Variants in NR2F1-AS1 observed in about 807,000 individuals in gnomAD.
NR2F1-AS1 encodes NR2F1 regulatory antisense RNA 1, also known as NR2F1 antisense RNA 1.
At chr5:93,456,641 A>C (rs1749952479) in intron 4 of NR2F1-AS1, among the ~76,000 whole-genome samples, 1 of 151,794 alleles carries the variant, frequency 6.6e-6, no homozygotes, top group African/African-American at 2.4e-5. Flanking sequence ...CAACTCAAAT[A>C]ATTTTTTACA....
At chr5:93,537,011 T>C (rs1751853293) in intron 4 of NR2F1-AS1, among the ~76,000 whole-genome samples, 1 of 152,218 alleles carries the variant, frequency 6.6e-6, no homozygotes, top group African/African-American at 2.4e-5. Context: ...CCTCCTTGCC[T>C]TTCGCTATGA....
At chr5:93,552,637 G>C (rs200088234) in intron 4 of NR2F1-AS1, among the ~76,000 whole-genome samples, 1 of 146,502 alleles carries the variant, frequency 6.8e-6, no homozygotes, top group East Asian at 2.0e-4. Context: ...TGTTTATACT[G>C]TAAAGAAGAA....
At chr5:93,410,226 G>C (rs1203393609) in intron 4 of NR2F1-AS1, 1 of 152,186 alleles carries the variant, frequency 6.6e-6, no homozygotes, top group Non-Finnish European at 1.5e-5. Context: ...AATTTTCATA[G>C]AGCCGTTGCC....
chr5:93,487,535 A>G (rs940517657), intron 4 of NR2F1-AS1, among the ~76,000 whole-genome samples: 4 of 152,202 alleles, frequency 2.6e-5, no homozygotes, highest in African/African-American at 9.6e-5. Context: ...ACAACTGACA[A>G]GGGATGTAAA....
At chr5:93,495,746 TATG>T (rs752779445) in intron 4 of NR2F1-AS1, among the ~76,000 whole-genome samples, 4 of 152,072 alleles carry the variant, frequency 2.6e-5, no homozygotes, top group African/African-American at 4.8e-5. Context: ...TATACACAAA[TATG>T]ATGATTTGTA....
intron 4 of NR2F1-AS1, among the ~76,000 whole-genome samples, chr5:93,525,478 A>C (rs765621977): frequency 3.9e-5 from 6 of 152,214 alleles, no homozygotes; most frequent in Non-Finnish European, 8.8e-5. Flanking sequence ...CAAGATATTC[A>C]GGACTTGAAC....
intron 4 of NR2F1-AS1, among the ~76,000 whole-genome samples, chr5:93,414,521 C>T (rs995718571): frequency 2.0e-5 from 3 of 152,216 alleles, no homozygotes; most frequent in East Asian, 3.9e-4. Context: ...GGTGAGAGTG[C>T]GTGGCCAGCA....
At chr5:93,494,717 T>C (rs1195948064) in intron 4 of NR2F1-AS1, among the ~76,000 whole-genome samples, 2 of 152,200 alleles carry the variant, frequency 1.3e-5, no homozygotes, top group African/African-American at 2.4e-5. Context: ...AGTTTGGCTG[T>C]TCCTCAAAAA....
upstream of NR2F1-AS1, chr5:93,585,581 G>GACCACAGGAGCCCCA: frequency 1.0e-6 from 1 of 996,432 alleles, no homozygotes; most frequent in Non-Finnish European, 1.5e-6. Flanking sequence ...GTGGGGCTGG[G>GACCACAGGAGCCCCA]GCTCCTGTGG....
chr5:93,512,018 T>C lies in NR2F1-AS1; in HGVS notation n.638+41743A>G, dbSNP rs532599439. ...TAAATGACTATGTTACTGGCTTATG[T>C]ATCAACTAATACTAGACTTTTTATT... On this transcript the variant is annotated intron_variant and non_coding_transcript_variant, in intron 4 of 5. Coordinates refer to ENST00000660523, the Ensembl canonical transcript of NR2F1-AS1. 1.4e-4 allele frequency among the ~76,000 whole-genome samples: 22 copies of C among 152,236 alleles called. 1 individual carries two copies. Among genetic ancestry groups the C allele is most frequent in the Non-Finnish European group, 2.9e-4 (20 of 68,040 alleles).
chr5:93,430,360 C>T (rs932157598), intron 4 of NR2F1-AS1, among the ~76,000 whole-genome samples: 1 of 152,158 alleles, frequency 6.6e-6, no homozygotes, highest in African/African-American at 2.4e-5. Flanking sequence ...GTGGCACTTC[C>T]GCCAAGTGAG....
At chr5:93,448,366 T>C (rs182705779) in intron 4 of NR2F1-AS1, among the ~76,000 whole-genome samples, 721 of 152,294 alleles carry the variant, frequency 4.7e-3, no homozygotes, top group Non-Finnish European at 7.9e-3. Context: ...TTTGATAGTG[T>C]GAAAAAAATC....
intron 4 of NR2F1-AS1, among the ~76,000 whole-genome samples, chr5:93,507,632 A>T (rs1751214067): frequency 6.6e-6 from 1 of 152,222 alleles, no homozygotes; most frequent in Admixed American, 6.5e-5. Context: ...TGCTGGGATT[A>T]CAGGCATGAA....
intron 4 of NR2F1-AS1, among the ~76,000 whole-genome samples, chr5:93,518,732 T>A (rs887184630): frequency 2.6e-5 from 4 of 152,092 alleles, no homozygotes; most frequent in African/African-American, 9.7e-5. Context: ...CATTTTGGTA[T>A]TTAAGTATAT....
intron 1 of NR2F1-AS1, among the ~76,000 whole-genome samples, chr5:93,573,403 C>T (rs985907574): frequency 1.3e-5 from 2 of 152,166 alleles, no homozygotes; most frequent in Admixed American, 1.3e-4. Flanking sequence ...GGGACTTCCG[C>T]GGCCTTTGCC....
intron 4 of NR2F1-AS1, among the ~76,000 whole-genome samples, chr5:93,486,966 C>T (rs1486393995): frequency 1.3e-5 from 2 of 152,142 alleles, no homozygotes; most frequent in African/African-American, 4.8e-5. Context: ...AAATGTAATC[C>T]ATCACATACA....
At chr5:93,585,359 G>A (rs892309700), upstream of NR2F1-AS1, 2 of 1,614,020 alleles carry the variant, frequency 1.2e-6, no homozygotes. Context: ...TCTTCAAGAG[G>A]AGCGTCCGCA....
intron 4 of NR2F1-AS1, among the ~76,000 whole-genome samples, chr5:93,439,040 A>G (rs555621300): frequency 2.0e-5 from 3 of 152,344 alleles, no homozygotes; most frequent in Non-Finnish European, 4.4e-5. Context: ...TTTATTTGTC[A>G]ATTATACCTC....
chr5:93,511,098 C>T (rs1414631080), intron 4 of NR2F1-AS1, among the ~76,000 whole-genome samples: 2 of 151,978 alleles, frequency 1.3e-5, no homozygotes, highest in East Asian at 3.9e-4. Context: ...TTGAATGGGG[C>T]CACAGAGTGC....
Sources: gnomAD v4.1 joint callset for allele counts (sites outside exome capture counted in the v4.1 genomes callset) on GRCh38, gnomAD v4.1.1 for gene constraint, MANE v1.5 for transcripts, NCBI Gene and HGNC (gene_info 2026-07-23, HGNC 2026-07-21) for gene names.